The following GLIS3 variants were observed in gnomAD, a reference collection of about 807,000 sequenced individuals.
The protein encoded by GLIS3 is GLIS family zinc finger 3, also known as zinc finger protein GLIS3.
In GLIS3, 53 loss-of-function variants were observed where a neutral mutation model predicts 78.6. The observed-to-expected ratio is 0.67, with a 90% confidence interval of 0.54 to 0.85. The LOEUF is 0.85. Among genes scored for constraint, GLIS3 ranks in the 40% least tolerant of loss-of-function variants. The probability of loss-of-function intolerance (pLI) is 0.00; values close to 1 mark genes in which losing one functional copy is unlikely to be tolerated. For synonymous variants in GLIS3, 684 were observed against 509.9 expected (o/e 1.34, Z -4.60); for missense variants, 1,703 against 1,231.1 (o/e 1.38, Z -5.74).
chr9:3,986,912 T>C (rs775546376), intron 4 of GLIS3, among the ~76,000 whole-genome samples: 3 of 152,190 alleles, frequency 2.0e-5, no homozygotes, highest in Non-Finnish European at 2.9e-5. Context: ...CAGGATATAA[T>C]TTAAAATCAC....
chr9:3,895,318 A>G (rs1265576058), intron 7 of GLIS3, among the ~76,000 whole-genome samples: 1 of 152,226 alleles, frequency 6.6e-6, no homozygotes, highest in Non-Finnish European at 1.5e-5. Flanking sequence ...TATGGAACAC[A>G]GAACCTTTGA....
At chr9:4,023,986 C>A (rs1232402258) in intron 4 of GLIS3, among the ~76,000 whole-genome samples, 1 of 150,466 alleles carries the variant, frequency 6.6e-6, no homozygotes, top group Non-Finnish European at 1.5e-5. Flanking sequence ...AGAGTAAGAC[C>A]ATGTTTCATT....
intron 2 of GLIS3, among the ~76,000 whole-genome samples, chr9:4,174,155 C>T (rs1179529590): frequency 6.6e-6 from 1 of 151,934 alleles, no homozygotes; most frequent in African/African-American, 2.4e-5. Flanking sequence ...ATAGTTTGCC[C>T]CCAAAGAATA....
intron 4 of GLIS3, among the ~76,000 whole-genome samples, chr9:4,024,600 T>G (rs747876573): frequency 8.5e-5 from 13 of 152,176 alleles, no homozygotes; most frequent in Admixed American, 3.9e-4. Context: ...GAGTGTATGA[T>G]AGATAGGTTG....
chr9:4,106,694 A>C (rs532471304), intron 4 of GLIS3, among the ~76,000 whole-genome samples: 3 of 152,182 alleles, frequency 2.0e-5, no homozygotes, highest in Non-Finnish European at 4.4e-5. Context: ...CTACTTTATG[A>C]ACAGATGGGG....
chr9:3,952,356 C>T (rs145406255), intron 4 of GLIS3, among the ~76,000 whole-genome samples: 2 of 152,142 alleles, frequency 1.3e-5, no homozygotes, highest in South Asian at 2.1e-4. Context: ...GAAGCCCCCC[C>T]AGAGGCACCA....
chr9:4,023,539 T>C (rs1222636493), intron 4 of GLIS3, among the ~76,000 whole-genome samples: 1 of 152,224 alleles, frequency 6.6e-6, no homozygotes, highest in Non-Finnish European at 1.5e-5. Flanking sequence ...TCTCAGAACT[T>C]TTCCAAAATC....
At chr9:3,969,354 C>G (rs1818202809) in intron 4 of GLIS3, among the ~76,000 whole-genome samples, 1 of 152,056 alleles carries the variant, frequency 6.6e-6, no homozygotes, top group African/African-American at 2.4e-5. Context: ...AAACCTTGTG[C>G]TATACGTTCC....
intron 4 of GLIS3, among the ~76,000 whole-genome samples, chr9:3,986,088 G>C (rs1418548674): frequency 6.6e-6 from 1 of 152,208 alleles, no homozygotes; most frequent in Non-Finnish European, 1.5e-5. Flanking sequence ...AGAATAATTT[G>C]TGGAAAATTA....
chr9:4,274,742 G>GT (rs1384584947), intron 2 of GLIS3, among the ~76,000 whole-genome samples: 1 of 152,228 alleles, frequency 6.6e-6, no homozygotes, highest in African/African-American at 2.4e-5. Flanking sequence ...ACCCTGTGCA[G>GT]TGACTGCTCA....
At chr9:3,850,119 G>C (rs1431146791) in intron 9 of GLIS3, among the ~76,000 whole-genome samples, 1 of 152,186 alleles carries the variant, frequency 6.6e-6, no homozygotes, top group East Asian at 1.9e-4. Flanking sequence ...AAAATATCAA[G>C]AGGAAATTTA....
At chr9:4,442,822 C>G in the GLIS3 span, among the ~76,000 whole-genome samples, 1 of 151,678 alleles carries the variant, frequency 6.6e-6, no homozygotes, top group Middle Eastern at 3.4e-3. Flanking sequence ...TTTTTTCTCC[C>G]TCTTCGCTTT....
At chr9:4,089,843 A>G (rs1829345064) in intron 4 of GLIS3, among the ~76,000 whole-genome samples, 1 of 152,206 alleles carries the variant, frequency 6.6e-6, no homozygotes, top group Admixed American at 6.5e-5. Context: ...CCCATAAAAA[A>G]TTGAATTCTC....
intron 2 of GLIS3, among the ~76,000 whole-genome samples, chr9:4,192,894 G>C (rs113555014): frequency 6.6e-6 from 1 of 152,148 alleles, no homozygotes; most frequent in African/African-American, 2.4e-5. Flanking sequence ...AGGAAGGGAG[G>C]TCAAGGCCTC....
chr9:3,835,389 G>T (rs930838441), intron 9 of GLIS3, among the ~76,000 whole-genome samples: 6 of 152,180 alleles, frequency 3.9e-5, no homozygotes, highest in African/African-American at 1.4e-4. Flanking sequence ...ACCTAGTCAG[G>T]CTTGGCAGGA....
At chr9:4,307,939 G>A (rs1817269733) in intron 4 of GLIS3, among the ~76,000 whole-genome samples, 1 of 152,122 alleles carries the variant, frequency 6.6e-6, no homozygotes, top group South Asian at 2.1e-4. Context: ...GGGTTGTTTA[G>A]GGTGCTATTT....
intron 9 of GLIS3, among the ~76,000 whole-genome samples, chr9:3,846,962 T>TTGAA (rs1243063328): frequency 2.0e-5 from 3 of 151,610 alleles, no homozygotes; most frequent in Non-Finnish European, 4.4e-5. Context: ...GGCAGGGGGG[T>TTGAA]CACCTGAAGT....
At chr9:4,191,578 C>G (rs1202852605) in intron 2 of GLIS3, among the ~76,000 whole-genome samples, 1 of 152,226 alleles carries the variant, frequency 6.6e-6, no homozygotes, top group East Asian at 1.9e-4. Flanking sequence ...TATTCTTCCT[C>G]TTCAAACTTC....
intron 4 of GLIS3, among the ~76,000 whole-genome samples, chr9:3,961,889 T>C (rs1817580703): frequency 6.6e-6 from 1 of 152,124 alleles, no homozygotes; most frequent in African/African-American, 2.4e-5. Context: ...CAAAGTATCT[T>C]GACATAAACA....
Sources: gnomAD v4.1 joint callset for allele counts (sites outside exome capture counted in the v4.1 genomes callset) on GRCh38, gnomAD v4.1.1 for gene constraint, MANE v1.5 for transcripts, NCBI Gene and HGNC (gene_info 2026-07-23, HGNC 2026-07-21) for gene names.